Variants in DENND2A observed in about 807,000 individuals in gnomAD.
The protein encoded by DENND2A is DENN domain-containing protein 2A.
In DENND2A, 53 loss-of-function variants were observed where a neutral mutation model predicts 105.3. The observed-to-expected ratio is 0.50, with a 90% CI of 0.40 to 0.63. DENND2A has a LOEUF of 0.63. Ranked by LOEUF, DENND2A falls within the 30% of genes least tolerant of loss-of-function variation. DENND2A has a pLI of 0.00. For missense variants in DENND2A, 1,138 were observed against 1,279.6 expected (o/e 0.89, Z 1.69); for synonymous variants, 522 against 508.4 (o/e 1.03, Z -0.36).
chr7:140,537,542 C>T (rs948137049), intron 14 of DENND2A, among the ~76,000 whole-genome samples: 17 of 152,068 alleles, frequency 1.1e-4, no homozygotes, highest in Admixed American at 8.5e-4. Flanking sequence ...CCTGGGCTCA[C>T]GTGATCCTTC....
At chr7:140,582,355 C>T (rs1177963284) in intron 5 of DENND2A, among the ~76,000 whole-genome samples, 1 of 152,134 alleles carries the variant, frequency 6.6e-6, no homozygotes, top group Non-Finnish European at 1.5e-5. Flanking sequence ...GGGGACAGAC[C>T]AGGTGTGACA....
chr7:140,624,705 CT>C (rs374600500), intron 1 of DENND2A, among the ~76,000 whole-genome samples: 1 of 148,710 alleles, frequency 6.7e-6, no homozygotes, highest in Non-Finnish European at 1.5e-5. Context: ...ATTTCTTTTC[CT>C]TTTTTTTTTC....
intron 1 of DENND2A, among the ~76,000 whole-genome samples, chr7:140,613,751 A>G (rs1486505601): frequency 6.6e-6 from 1 of 152,166 alleles, no homozygotes; most frequent in East Asian, 1.9e-4. Flanking sequence ...TCACTATGCC[A>G]AAAGGAAAAT....
intron 1 of DENND2A, among the ~76,000 whole-genome samples, chr7:140,611,908 G>A (rs1044208927): frequency 1.3e-5 from 2 of 152,070 alleles, no homozygotes; most frequent in African/African-American, 4.8e-5. Context: ...TGCACAATGC[G>A]GTGAATACAC....
chr7:140,623,050 T>C (rs1329040032), intron 1 of DENND2A, among the ~76,000 whole-genome samples: 1 of 150,658 alleles, frequency 6.6e-6, no homozygotes, highest in Non-Finnish European at 1.5e-5. Flanking sequence ...GAAGTCCCTC[T>C]CCGGCTGGGT....
chr7:140,609,080 A>T (rs759538431), intron 1 of DENND2A, among the ~76,000 whole-genome samples: 1 of 152,184 alleles, frequency 6.6e-6, no homozygotes, highest in Non-Finnish European at 1.5e-5. Context: ...TTCTTTTTAG[A>T]CAATTTGGTC....
chr7:140,630,116 CT>C lies in DENND2A; in HGVS notation c.-248+10387del, dbSNP rs879553771. ...CCTCAAATGAGCCACTGCGCCAGGT[CT>C]TTTTTTTTTTTAAGACAGGGTCTCA... On this transcript the variant is annotated intron_variant, in intron 1 of 19. Transcript: ENST00000496613. 6.6e-3 allele frequency among the ~76,000 whole-genome samples: 942 copies of C among 142,064 alleles called. 2 individuals carry two copies. Among genetic ancestry groups the C allele is most frequent in the Middle Eastern group, 0.011 (3 of 268 alleles). 93.2% of individuals were successfully genotyped at this position (142,064 alleles called of 152,430 possible).
chr7:140,521,461 G>A (rs1432205965), intron 18 of DENND2A, among the ~76,000 whole-genome samples: 1 of 151,866 alleles, frequency 6.6e-6, no homozygotes, highest in Non-Finnish European at 1.5e-5. Context: ...CATTTTTGTA[G>A]AAAAGGGGTT....
At chr7:140,623,133 G>A (rs891029842) in intron 1 of DENND2A, among the ~76,000 whole-genome samples, 8 of 150,948 alleles carry the variant, frequency 5.3e-5, no homozygotes, top group Non-Finnish European at 1.0e-4. Context: ...TCAGGAGTTC[G>A]AGACCAGTCT....
chr7:140,595,036 CTTGCT>C (rs1799226540), intron 3 of DENND2A, among the ~76,000 whole-genome samples: 2 of 151,862 alleles, frequency 1.3e-5, no homozygotes, highest in Admixed American at 6.6e-5. Flanking sequence ...GAGATGGAGT[CTTGCT>C]CTGTGCCCAG....
chr7:140,596,126 A>G (rs971312132), intron 3 of DENND2A, among the ~76,000 whole-genome samples: 5 of 152,158 alleles, frequency 3.3e-5, no homozygotes, highest in Admixed American at 3.3e-4. Flanking sequence ...AGGAAAAACT[A>G]TTTCTGTCCC....
At chr7:140,619,780 G>A (rs529451693) in intron 1 of DENND2A, among the ~76,000 whole-genome samples, 3 of 152,156 alleles carry the variant, frequency 2.0e-5, no homozygotes, top group African/African-American at 7.2e-5. Context: ...GATTACAGGT[G>A]TGAGCCACTG....
chr7:140,556,584 C>T (rs1462256463), intron 11 of DENND2A, among the ~76,000 whole-genome samples: 1 of 152,182 alleles, frequency 6.6e-6, no homozygotes, highest in African/African-American at 2.4e-5. Flanking sequence ...AGGCAACCTG[C>T]CCACCTCAGC....
chr7:140,520,851 G>A (rs533995717), intron 18 of DENND2A, among the ~76,000 whole-genome samples: 5 of 151,002 alleles, frequency 3.3e-5, no homozygotes, highest in South Asian at 4.2e-4. Context: ...GCGCCACAGC[G>A]CCCGGCTTTT....
At position 140,587,784 on chromosome 7, in the gene DENND2A, G is replaced by A. The variant is rs1798850431; in HGVS notation, c.996-4C>T. The A allele has an allele frequency of 6.4e-7, 1 of 1,571,140 alleles. No individual in the cohort carries two copies. The highest frequency in any genetic ancestry group is 1.2e-5 in the South Asian group (1 of 86,876). ...ATCTTCAAACTCATAGGACTTTCTG[G>A]AATGTGCCAGATGGGAGGAAAAAAC... On this transcript the variant is annotated splice_region_variant and splice_polypyrimidine_tract_variant and intron_variant, in intron 3 of 19. Coordinates refer to ENST00000496613, the MANE Select transcript of DENND2A (RefSeq NM_015689.5).
chr7:140,626,236 C>T (rs543753459), intron 1 of DENND2A, among the ~76,000 whole-genome samples: 1 of 152,358 alleles, frequency 6.6e-6, no homozygotes, highest in African/African-American at 2.4e-5. Context: ...AGTCTCCTCC[C>T]TTCCCCTTCT....
intron 5 of DENND2A, 101 bp downstream of exon 5, chr7:140,585,488 T>G (rs1585692955): frequency 2.6e-6 from 4 of 1,520,684 alleles, no homozygotes; most frequent in Non-Finnish European, 2.7e-6. Context: ...GCAGGGCAGG[T>G]GGAGGTGGCC....
chr7:140,569,548 C>T, intron 7 of DENND2A, 97 bp downstream of exon 7: 1 of 853,526 alleles, frequency 1.2e-6, no homozygotes, highest in Non-Finnish European at 2.0e-6. Context: ...GCTTGTTCTC[C>T]TCCTTGGTGA....
At chr7:140,617,955 C>G (rs550667423) in intron 1 of DENND2A, among the ~76,000 whole-genome samples, 1 of 152,248 alleles carries the variant, frequency 6.6e-6, no homozygotes, top group African/African-American at 2.4e-5. Flanking sequence ...ATTTGGCTAG[C>G]TTAGTAGTTT....
Sources: allele counts gnomAD v4.1 joint callset (sites outside exome capture counted in the v4.1 genomes callset), GRCh38; gene constraint gnomAD v4.1.1; transcripts MANE v1.5; gene names NCBI Gene and HGNC (gene_info 2026-07-23, HGNC 2026-07-21).